The following TMEM132E variants were observed in gnomAD, a reference collection of about 807,000 sequenced individuals.
TMEM132E encodes transmembrane protein 132E.
Under a neutral mutation model 78.5 loss-of-function variants are expected in TMEM132E, and 49 were observed. That is an observed-to-expected ratio of 0.62 (90% CI 0.50 to 0.79). The LOEUF (loss-of-function observed/expected upper bound fraction) is 0.79, where lower values mean the gene tolerates loss of function less well. Among genes scored for constraint, TMEM132E ranks in the 30% least tolerant of loss-of-function variants. The pLI is 0.00. For synonymous variants in TMEM132E, 715 were observed against 670.6 expected (o/e 1.07, Z -1.02); for missense variants, 1,403 against 1,470.9 (o/e 0.95, Z 0.75).
intron 1 of TMEM132E, among the ~76,000 whole-genome samples, chr17:34,597,457 T>TATTC (rs1906099007): frequency 6.6e-6 from 1 of 152,184 alleles, no homozygotes. Flanking sequence ...TTCAGTCAAC[T>TATTC]ATTCATTCAT....
intron 1 of TMEM132E, among the ~76,000 whole-genome samples, chr17:34,625,715 C>T (rs545807826): frequency 6.6e-6 from 1 of 152,296 alleles, no homozygotes; most frequent in Non-Finnish European, 1.5e-5. Flanking sequence ...GCACCAGAGT[C>T]CACTCAGCCC....
intron 1 of TMEM132E, among the ~76,000 whole-genome samples, chr17:34,615,305 C>T (rs1906739690): frequency 6.6e-6 from 1 of 152,154 alleles, no homozygotes; most frequent in East Asian, 1.9e-4. Context: ...TTCTTTCATT[C>T]ACCAATCTGT....
At chr17:34,593,736 C>T (rs1445045136) in intron 1 of TMEM132E, among the ~76,000 whole-genome samples, 1 of 152,262 alleles carries the variant, frequency 6.6e-6, no homozygotes, top group East Asian at 1.9e-4. Flanking sequence ...TTCCCTTCTG[C>T]TCTGCCAGGA....
At chr17:34,626,034 T>C in intron 1 of TMEM132E, 93 bp from the exon 2 acceptor site, 1 of 1,209,500 alleles carries the variant, frequency 8.3e-7, no homozygotes, top group Non-Finnish European at 1.1e-6. Flanking sequence ...GGCAGCCCTC[T>C]GTGGGGTGGG....
At chr17:34,620,512 G>A (rs978980936) in intron 1 of TMEM132E, among the ~76,000 whole-genome samples, 1 of 152,374 alleles carries the variant, frequency 6.6e-6, no homozygotes, top group Admixed American at 6.5e-5. Flanking sequence ...CAGCTGCATA[G>A]GCAGAGGTAT....
At chr17:34,635,344 G>C (rs763588050) in intron 7 of TMEM132E, among the ~76,000 whole-genome samples, 1 of 152,178 alleles carries the variant, frequency 6.6e-6, no homozygotes, top group Non-Finnish European at 1.5e-5. Flanking sequence ...AGGGGGAGCA[G>C]GTGAGAGTCA....
chr17:34,581,187 C>T, intron 1 of TMEM132E, 44 bp downstream of exon 1: 1 of 1,478,408 alleles, frequency 6.8e-7, no homozygotes, highest in Non-Finnish European at 9.0e-7. Flanking sequence ...GCGGCAGGCG[C>T]CACTGGAGGG....
At chr17:34,612,540 T>C (rs1906626465) in intron 1 of TMEM132E, among the ~76,000 whole-genome samples, 1 of 152,152 alleles carries the variant, frequency 6.6e-6, no homozygotes, top group Non-Finnish European at 1.5e-5. Context: ...CTTGAACAAA[T>C]ATCTTCCCTT....
intron 1 of TMEM132E, among the ~76,000 whole-genome samples, chr17:34,613,207 A>ACGCGCGCGCGCGCGCG: frequency 1.2e-5 from 1 of 82,918 alleles, no homozygotes; most frequent in Non-Finnish European, 2.8e-5. Flanking sequence ...CCACACACAC[A>ACGCGCGCGCGCGCGCG]CACACGCGCG....
chr17:34,616,894 A>G (rs570449055), intron 1 of TMEM132E, among the ~76,000 whole-genome samples: 5 of 152,338 alleles, frequency 3.3e-5, no homozygotes, highest in African/African-American at 9.6e-5. Context: ...GCAATTTAGA[A>G]AGATACAAAA....
chr17:34,634,842 C>A lies in TMEM132E; in HGVS notation c.1732C>A (p.Arg578=), dbSNP rs144686427. ...GGATGAGGATGAGGAGGAGGAGGAG[C>A]GGCGGCAGAGTGCAAGCCGTGGCTG... ...SEDEDEEEEE[R]RQSASRGCTL... Residue 578 remains arginine (R), a synonymous_variant, in exon 7 of 9, where the codon CGG becomes AGG. Transcript: ENST00000631683. The A allele has an allele frequency of 6.2e-7, 1 of 1,613,694 alleles. No homozygotes were observed. The highest frequency in any genetic ancestry group is 1.3e-5 in the African/African-American group (1 of 75,030).
At chr17:34,587,371 G>A (rs567820793) in intron 1 of TMEM132E, among the ~76,000 whole-genome samples, 7 of 152,300 alleles carry the variant, frequency 4.6e-5, no homozygotes, top group Non-Finnish European at 8.8e-5. Context: ...GTGGCAGTGG[G>A]GGGGAATGGT....
chr17:34,632,031 T>G (rs555892992), intron 5 of TMEM132E, among the ~76,000 whole-genome samples: 9 of 152,330 alleles, frequency 5.9e-5, no homozygotes, highest in African/African-American at 1.7e-4. Flanking sequence ...CAAGTCAGTA[T>G]CCAGGTGGGC....
In TMEM132E at chr17:34,637,611, A is replaced by G. The variant is rs777036766; in HGVS notation, c.2604A>G (p.Glu868=). ...CCAGCCCCGTCGTGCCACCCACAGAAGACTTCCTGCCGCTGCCCACCGGCT... is the reference window on the plus strand; with the variant it reads ...CCAGCCCCGTCGTGCCACCCACAGAGGACTTCCTGCCGCTGCCCACCGGCT... The part of the protein sequence containing the change: ...GTASPVVPPT[E]DFLPLPTGFL... Residue 868 remains glutamate, a synonymous_variant, in exon 9 of 9, where the codon GAA becomes GAG. Coordinates refer to ENST00000631683, the MANE Select transcript of TMEM132E (RefSeq NM_001304438.2). The G allele has an allele frequency of 6.2e-7, 1 of 1,603,220 alleles. No individual in the cohort carries two copies. Among genetic ancestry groups the G allele is most frequent in the Non-Finnish European group, 8.5e-7 (1 of 1,178,016 alleles).
intron 1 of TMEM132E, among the ~76,000 whole-genome samples, chr17:34,599,069 G>A (rs943362703): frequency 6.6e-6 from 1 of 152,222 alleles, no homozygotes; most frequent in Admixed American, 6.5e-5. Context: ...ATAGACAGGG[G>A]TCCCAAGGAG....
Position 34,638,120 on chromosome 17 carries a change from AG to A in TMEM132E, c.3115del (p.Glu1039ArgfsTer65). 1 of 1,606,016 alleles carries A rather than the reference AG, an allele frequency of 6.2e-7. No individual in the cohort carries two copies. Among genetic ancestry groups the A allele is most frequent in the Non-Finnish European group, 8.5e-7 (1 of 1,176,932 alleles). ...YDSVPAGEED[E>X]EEEEDLGWGC... ...TCGGTGCCCGCGGGCGAAGAGGACG[AG>A]GAGGAGGAAGAGGACCTGGGTTGGG... On this transcript the variant is annotated frameshift_variant, in exon 9 of 9. Coordinates refer to ENST00000631683, the MANE Select transcript of TMEM132E (RefSeq NM_001304438.2). LOFTEE classifies it high-confidence loss of function.
intron 1 of TMEM132E, among the ~76,000 whole-genome samples, chr17:34,585,574 A>C (rs1029459247): frequency 5.3e-5 from 8 of 152,024 alleles, no homozygotes; most frequent in African/African-American, 1.9e-4. Context: ...GGCCAAGCTC[A>C]CTCTGCAAGT....
chr17:34,623,439 G>A (rs1469746325), intron 1 of TMEM132E, among the ~76,000 whole-genome samples: 2 of 149,906 alleles, frequency 1.3e-5, no homozygotes, highest in African/African-American at 2.5e-5. Context: ...CCTGGATAGT[G>A]AGCACTGAGA....
At position 34,626,897 on chromosome 17, in the gene TMEM132E, C is replaced by A. The variant is rs570912462; in HGVS notation, c.838C>A (p.Pro280Thr). The A allele has an allele frequency of 1.3e-5, 21 of 1,612,702 alleles. No homozygotes were observed. The Admixed American group carries it at 2.5e-4, about 19-fold the overall frequency. Residue 280 changes from proline (P) to threonine (T), a missense_variant, in exon 2 of 9, where the codon CCC becomes ACC. By Grantham distance (38) the Pro-to-Thr change is conservative. Transcript: ENST00000631683. ...RIGSISLFRPPPRRTLQEHRL... is the reference protein window; with the variant it reads ...RIGSISLFRPTPRRTLQEHRL... ...CGGGAGCATCAGCCTGTTCCGCCCG[C>A]CCCCCAGGAGGACCCTGCAGGAGCA...
Sources: allele counts gnomAD v4.1 joint callset (sites outside exome capture counted in the v4.1 genomes callset), GRCh38; gene constraint gnomAD v4.1.1; transcripts MANE v1.5; gene names NCBI Gene and HGNC (gene_info 2026-07-23, HGNC 2026-07-21).